HK1: variants seen among roughly 807,000 people sequenced by gnomAD.
HK1 encodes the protein hexokinase 1.
A neutral mutation model predicts 91.6 loss-of-function variants in HK1; 28 were observed. That is an observed-to-expected ratio of 0.31 (90% CI 0.23 to 0.42). The LOEUF (loss-of-function observed/expected upper bound fraction) is 0.42. Among genes scored for constraint, HK1 ranks in the 10% least tolerant of loss-of-function variants. HK1 has a pLI of 1.00. For missense variants in HK1, 770 were observed against 1,219.8 expected, an observed-to-expected ratio of 0.63 and a Z score of 5.49; for synonymous variants, 430 against 468.1, an observed-to-expected ratio of 0.92 and a Z score of 1.05.
In HK1 at chr10:69,351,179, TTAAATAAA is replaced by T. The variant is rs113053941; in HGVS notation, c.226+7219_226+7226del. On this transcript the variant is annotated intron_variant, in intron 2 of 17. Transcript: ENST00000359426. ...GACAGAGCGAGACTCCGTCTCAAAA[TTAAATAAA>T]TAAATAAATAAATAAATAAATAAAT... Among the ~76,000 whole-genome samples, 1,043 of 115,018 alleles carry T rather than the reference TTAAATAAA, an allele frequency of 9.1e-3. 15 individuals are homozygous for T. Among genetic ancestry groups the T allele is most frequent in the African/African-American group, 0.037 (978 of 26,256 alleles). 75.5% of individuals were successfully genotyped at this position (115,018 alleles called of 152,430 possible). A position where few individuals can be genotyped will look rare whatever the true frequency, so the allele number is the denominator to read the frequency against.
At chr10:69,398,174 AATC>A (rs1402615957) in intron 16 of HK1, among the ~76,000 whole-genome samples, 2 of 152,240 alleles carry the variant, frequency 1.3e-5, no homozygotes. Flanking sequence ...TGGCTAAAGA[AATC>A]ATGGTGCATC....
intron 14 of HK1, 118 bp downstream of exon 14, chr10:69,389,414 C>A (rs953205946): frequency 3.8e-6 from 2 of 527,902 alleles, no homozygotes; most frequent in Non-Finnish European, 7.2e-6. Context: ...CTGTCAGTAT[C>A]ATTTCTTGAC....
chr10:69,319,992 T>C (rs1322796293), intron 1 of HK1, among the ~76,000 whole-genome samples: 2 of 152,112 alleles, frequency 1.3e-5, no homozygotes, highest in African/African-American at 2.4e-5. Context: ...GGCAAAGTCA[T>C]CTTGACTTTG....
intron 2 of HK1, among the ~76,000 whole-genome samples, chr10:69,347,975 C>G (rs886124800): frequency 4.6e-5 from 7 of 152,160 alleles, no homozygotes; most frequent in African/African-American, 1.7e-4. Flanking sequence ...TTTTGGGTTT[C>G]CCTCACTACC....
At chr10:69,361,183 C>T (rs1849399002) in intron 3 of HK1, among the ~76,000 whole-genome samples, 1 of 152,218 alleles carries the variant, frequency 6.6e-6, no homozygotes, top group African/African-American at 2.4e-5. Context: ...GATTATGTCA[C>T]AGTGAGTGTC....
chr10:69,388,967 A>G (rs1468533761), intron 13 of HK1, among the ~76,000 whole-genome samples: 1 of 152,248 alleles, frequency 6.6e-6, no homozygotes, highest in Non-Finnish European at 1.5e-5. Context: ...CATCATCTGT[A>G]AAATGGGTAG....
At position 69,353,347 on chromosome 10, in the gene HK1, G is replaced by A. The variant is rs992463341; in HGVS notation, c.227-6550G>A. On this transcript the variant is annotated intron_variant, in intron 2 of 17. Coordinates refer to ENST00000359426, the MANE Select transcript of HK1 (RefSeq NM_000188.3). ...CTCACGCCTGTAATCCCAGCATTTT[G>A]GGAGGCCCAGGTGGGTGGATCGCTT... is the stretch of plus-strand genomic sequence containing the variant. 6.6e-5 allele frequency among the ~76,000 whole-genome samples: 10 copies of A among 152,222 alleles called. No homozygotes were observed. The South Asian group carries it at 2.1e-3, about 32-fold the overall frequency.
At chr10:69,386,217 T>G (rs574757121) in intron 12 of HK1, 106 bp from the exon 13 acceptor site, 1 of 830,232 alleles carries the variant, frequency 1.2e-6, no homozygotes, top group African/African-American at 1.7e-5. Flanking sequence ...GTCTCCGATG[T>G]TGTAAGCCCT....
At chr10:69,400,926 T>G (rs922128287) in intron 17 of HK1, 65 bp from the exon 18 acceptor site, 16 of 1,582,908 alleles carry the variant, frequency 1.0e-5, no homozygotes, top group Non-Finnish European at 1.1e-5. Flanking sequence ...TGCTTTGGTG[T>G]TTTCGGGTAG....
intron 17 of HK1, among the ~76,000 whole-genome samples, chr10:69,399,682 T>A (rs1026982535): frequency 6.6e-6 from 1 of 152,128 alleles, no homozygotes; most frequent in East Asian, 1.9e-4. Context: ...GAGAAGGACA[T>A]GTGATTGCAC....
chr10:69,375,665 G>T (rs2132847793), intron 7 of HK1, among the ~76,000 whole-genome samples: 1 of 152,360 alleles, frequency 6.6e-6, no homozygotes, highest in Middle Eastern at 3.4e-3. Flanking sequence ...GTCACAGCCA[G>T]CTGTGGGTGT....
Position 69,318,868 on chromosome 10 carries a change from C to T in HK1, c.-80C>T, listed in dbSNP as rs907303881. 1.3e-6 allele frequency: 2 copies of T among 1,510,572 alleles called. No individual in the cohort carries two copies. The highest frequency in any genetic ancestry group is 5.5e-5 in the East Asian group (2 of 36,182). The allele number at this position is 1,510,572 out of a possible 1,614,324, so 93.6% of individuals were successfully genotyped here. A position where few individuals can be genotyped will look rare whatever the true frequency, so the allele number is the denominator to read the frequency against. ...GGAGGAGGAGGAGCCGCCGAGCAGC[C>T]GCCGGAGGACCACGGCTCGCCAGGG... On this transcript the variant is annotated 5_prime_UTR_variant, in exon 1 of 18. Coordinates refer to ENST00000359426, the MANE Select transcript of HK1 (RefSeq NM_000188.3).
At chr10:69,351,475 G>A (rs61870056) in intron 2 of HK1, among the ~76,000 whole-genome samples, 39,277 of 151,822 alleles carry the variant, frequency 0.26, 6,373 homozygotes, top group Non-Finnish European at 0.36. Flanking sequence ...CGCCATTGCC[G>A]TCCAGCCTGG....
At chr10:69,313,433 G>C (rs1172338845), upstream of HK1, among the ~76,000 whole-genome samples, 1 of 152,192 alleles carries the variant, frequency 6.6e-6, no homozygotes, top group Non-Finnish European at 1.5e-5. Flanking sequence ...TTAGGTGCCT[G>C]AAATCTAGAT....
chr10:69,384,842 T>C lies in HK1; in HGVS notation c.1766T>C (p.Met589Thr), dbSNP rs756814664. Reference protein sequence around the residue: ...VSCISDFLDYMGIKGPRMPLG... With the variant: ...VSCISDFLDYTGIKGPRMPLG... ...TGCATCTCTGACTTCTTGGACTACA[T>C]GGGGATCAAAGGCCCCAGGATGCCT... is the stretch of plus-strand genomic sequence containing the variant. The change falls in exon 12 of 18, where the codon ATG (methionine) becomes ACG (threonine). Residue 589 changes from methionine (M) to threonine (T), a missense_variant. Physicochemically the swap from Met to Thr is moderately conservative, Grantham distance 81. Around this residue, in one of 7 missense-constraint regions of HK1, gnomAD observed 48 missense variants for 128.2 expected, o/e 0.37. Transcript: ENST00000359426. The C allele has an allele frequency of 8.1e-5, 130 of 1,614,060 alleles. No homozygotes were observed. Among genetic ancestry groups the C allele is most frequent in the Non-Finnish European group, 1.1e-4 (126 of 1,180,016 alleles).
At chr10:69,318,751 G>C (rs889284678), upstream of HK1, 20 of 1,082,908 alleles carry the variant, frequency 1.8e-5, no homozygotes, top group Admixed American at 4.2e-5. Flanking sequence ...GTCGGCTGGC[G>C]GCTGTCACCC....
At chr10:69,386,735 C>T (rs779427249) in intron 13 of HK1, 5 of 303,856 alleles carry the variant, frequency 1.6e-5, no homozygotes, top group Admixed American at 8.9e-5. Context: ...GCTGAGATCA[C>T]GCCACTGCAC....
intron 2 of HK1, among the ~76,000 whole-genome samples, chr10:69,357,553 A>C (rs928691406): frequency 6.6e-6 from 1 of 151,974 alleles, no homozygotes; most frequent in African/African-American, 2.4e-5. Flanking sequence ...TGGGCTCAAG[A>C]GATTCTCCTA....
chr10:69,322,384 G>T (rs1847087627), intron 1 of HK1, among the ~76,000 whole-genome samples: 1 of 152,120 alleles, frequency 6.6e-6, no homozygotes. Flanking sequence ...TGACTTCCCA[G>T]TTTGGAACCC....
Sources: allele counts gnomAD v4.1 joint callset (sites outside exome capture counted in the v4.1 genomes callset), GRCh38; gene constraint gnomAD v4.1.1; regional missense constraint gnomAD v4.1.1; transcripts MANE v1.5; gene names NCBI Gene and HGNC (gene_info 2026-07-23, HGNC 2026-07-21).